DGKA: variants seen among roughly 807,000 people sequenced by gnomAD.
DGKA encodes diacylglycerol kinase alpha.
Under a neutral mutation model 105.0 loss-of-function variants are expected in DGKA, and 35 were observed. The observed-to-expected ratio is 0.33, with a 90% CI of 0.25 to 0.44. The LOEUF (loss-of-function observed/expected upper bound fraction) is 0.44. DGKA is among the 20% of genes least tolerant of loss of function. DGKA has a pLI of 1.00. For missense variants in DGKA, 665 were observed against 915.0 expected (o/e 0.73, Z 3.53); for synonymous variants, 296 against 332.0 (o/e 0.89, Z 1.18).
At chr12:55,936,113 G>T in intron 1 of DGKA, 1 of 871,552 alleles carries the variant, frequency 1.1e-6, no homozygotes, top group Non-Finnish European at 1.4e-6. Context: ...TATAGACTGA[G>T]AAAGCCGGGT....
chr12:55,952,762 A>G lies in DGKA; in HGVS notation c.1772A>G (p.Asn591Ser). 6.2e-7 allele frequency: 1 copy of G among 1,614,072 alleles called. No homozygotes were observed. Among genetic ancestry groups the G allele is most frequent in the Non-Finnish European group, 8.5e-7 (1 of 1,180,010 alleles). ...TGTGGGAAACCGCTGGATCTGAGCA[A>G]CCTGTCCCTAGAAGGCATCGCAGTG... Reference protein sequence around the residue: ...EICGKPLDLSNLSLEGIAVLN... With the variant: ...EICGKPLDLSSLSLEGIAVLN... The change falls in exon 21 of 24, where the codon AAC (asparagine) becomes AGC (serine). Residue 591 changes from asparagine (N) to serine (S), a missense_variant. Asn to Ser is a conservative substitution (Grantham distance 46). Coordinates refer to ENST00000331886, the MANE Select transcript of DGKA (RefSeq NM_001345.5). This position sits in a 1 kb window ranked among gnomAD's most constrained non-coding sequence, Gnocchi z 5.1.
In DGKA at chr12:55,942,150, CCTT is replaced by C. The variant is rs531072637; in HGVS notation, c.1337-21_1337-19del. On this transcript the variant is annotated intron_variant, in intron 16 of 23. Coordinates refer to ENST00000331886, the MANE Select transcript of DGKA (RefSeq NM_001345.5). ...GTCTTGCAGAGCTAACTCACTCCAT[CCTT>C]CTCTTCACCTGCCTCCGCAGACAAA... 1.0e-4 allele frequency: 161 copies of C among 1,614,096 alleles called. No individual in the cohort carries two copies. The African/African-American group carries it at 1.6e-3, about 16-fold the overall frequency.
intron 9 of DGKA, chr12:55,939,784 T>TA (rs1731787688): frequency 2.0e-5 from 12 of 587,242 alleles, no homozygotes; most frequent in South Asian, 8.3e-5. Context: ...TAAAATGCAA[T>TA]AAAAAATATC....
At position 55,932,809 on chromosome 12, in the gene DGKA, C is replaced by T. The variant is rs1883917063; in HGVS notation, c.-82+1465C>T. 1 of 544,650 alleles carries T rather than the reference C, an allele frequency of 1.8e-6. No individual in the cohort carries two copies. The highest frequency in any genetic ancestry group is 2.2e-5 in the South Asian group (1 of 44,546). The allele number at this position is 544,650 out of a possible 1,614,324, so 33.7% of individuals were successfully genotyped here. A position where few individuals can be genotyped will look rare whatever the true frequency, so the allele number is the denominator to read the frequency against. On this transcript the variant is annotated intron_variant, in intron 1 of 23. Transcript: ENST00000331886. This position sits in a 1 kb window ranked among gnomAD's most constrained non-coding sequence, Gnocchi z 4.3. ...GGAGGCTTAATAAGTTTTGAGGCTTCAAGCAAATGATTCCCTCTTGAGGGC... is the reference window on the plus strand; with the variant it reads ...GGAGGCTTAATAAGTTTTGAGGCTTTAAGCAAATGATTCCCTCTTGAGGGC...
chr12:55,930,187 G>A (rs1381914469), upstream of DGKA, among the ~76,000 whole-genome samples: 1 of 152,008 alleles, frequency 6.6e-6, no homozygotes, highest in Admixed American at 6.6e-5. Context: ...CCCTAAACTG[G>A]ACTATGTTTT....
In DGKA at chr12:55,952,694, C is replaced by A; in HGVS notation, c.1744-40C>A. 1 of 1,607,902 alleles carries A rather than the reference C, an allele frequency of 6.2e-7. No individual in the cohort carries two copies. The highest frequency in any genetic ancestry group is 8.5e-7 in the Non-Finnish European group (1 of 1,174,946). On this transcript the variant is annotated intron_variant, in intron 20 of 23. Transcript: ENST00000331886. This position sits in a 1 kb window ranked among gnomAD's most constrained non-coding sequence, Gnocchi z 5.1. ...TATGATCATGCCATGAGGTGAGGAT[C>A]TGTACCCTCCCTAACTGGGACTGTG...
At chr12:55,941,965 CCTT>C (rs763479290) in intron 15 of DGKA, 30 bp from the exon 16 acceptor site, 1 of 1,611,042 alleles carries the variant, frequency 6.2e-7, no homozygotes, top group Non-Finnish European at 8.5e-7. Flanking sequence ...GTCCTGTTAT[CCTT>C]CTTCATATTC....
chr12:55,927,692 C>G (rs115873921), upstream of DGKA: 1 of 1,538,650 alleles, frequency 6.5e-7, no homozygotes, highest in Non-Finnish European at 8.7e-7. Context: ...GCGGGAGGGG[C>G]GTGCAAGGCG....
rs1214880623 is a variant in DGKA, at chr12:55,932,787, G to A, written c.-82+1443G>A. The A allele has an allele frequency of 1.1e-5, 6 of 562,854 alleles. No individual in the cohort carries two copies. Among genetic ancestry groups the A allele is most frequent in the Admixed American group, 3.1e-5 (1 of 32,714 alleles). 34.9% of individuals were successfully genotyped at this position (562,854 alleles called of 1,614,324 possible). A position where few individuals can be genotyped will look rare whatever the true frequency, so the allele number is the denominator to read the frequency against. On this transcript the variant is annotated intron_variant, in intron 1 of 23. Coordinates refer to ENST00000331886, the MANE Select transcript of DGKA (RefSeq NM_001345.5). This position sits in a 1 kb window ranked among gnomAD's most constrained non-coding sequence, Gnocchi z 4.3. ...CACTGCAGTCTTCAGTGTTTGTGGA[G>A]GCTTAATAAGTTTTGAGGCTTCAAG...
At chr12:55,942,572 G>A (rs1324916039) in intron 17 of DGKA, 3 of 361,362 alleles carry the variant, frequency 8.3e-6, no homozygotes, top group Non-Finnish European at 1.1e-5. Context: ...TGTGAATAAG[G>A]AAGGTTGTAT....
chr12:55,938,517 T>C lies in DGKA; in HGVS notation c.356T>C (p.Phe119Ser). 1.2e-6 allele frequency: 2 copies of C among 1,614,110 alleles called. No homozygotes were observed. Among genetic ancestry groups the C allele is most frequent in the Non-Finnish European group, 8.5e-7 (1 of 1,179,996 alleles). The change falls in exon 6 of 24, where the codon TTC becomes TCC. Residue 119 changes from phenylalanine (F) to serine (S), a missense_variant. Coordinates refer to ENST00000331886, the MANE Select transcript of DGKA (RefSeq NM_001345.5). ...GRPEDKLEFT[F>S]KLYDTDRNGI... is the part of the protein sequence containing the mutation. ...CCCCTAAAACACCCCACAGTCACCT[T>C]CAAGCTGTACGACACGGACAGAAAT...
chr12:55,938,045 G>A lies in DGKA; in HGVS notation c.342G>A (p.Lys114=), dbSNP rs1457714561. 5 of 1,613,890 alleles carry A rather than the reference G, an allele frequency of 3.1e-6. No individual in the cohort carries two copies. Among genetic ancestry groups the A allele is most frequent in the African/African-American group, 1.3e-5 (1 of 74,888 alleles). The change falls in exon 5 of 24, where the codon AAG becomes AAA. Residue 114 remains lysine, a synonymous_variant. Transcript: ENST00000331886. ...SLLEGGRPED[K]LEFTFKLYDT... is the part of the protein sequence containing the mutation. Reference sequence around the variant, plus strand: ...TGGAGGGTGGTCGGCCAGAAGACAAGTTAGAATGTGAGTTGCCCTTCTGAA... The same window carrying A: ...TGGAGGGTGGTCGGCCAGAAGACAAATTAGAATGTGAGTTGCCCTTCTGAA...
Position 55,932,946 on chromosome 12 carries a change from C to T in DGKA, c.-82+1602C>T. The T allele has an allele frequency of 4.6e-6, 1 of 218,752 alleles. No homozygotes were observed. Among genetic ancestry groups the T allele is most frequent in the Non-Finnish European group, 9.1e-6 (1 of 109,750 alleles). 13.6% of individuals were successfully genotyped at this position (218,752 alleles called of 1,614,324 possible). A position where few individuals can be genotyped will look rare whatever the true frequency, so the allele number is the denominator to read the frequency against. On this transcript the variant is annotated intron_variant, in intron 1 of 23. Coordinates refer to ENST00000331886, the MANE Select transcript of DGKA (RefSeq NM_001345.5). The surrounding 1 kb of genome is among the most constrained non-coding windows in gnomAD (Gnocchi z 4.3). ...TGGGCCCTCAAATTCGGGGCTCCTG[C>T]CCCTCTGGGGCAGCCTCAATATTCT...
intron 18 of DGKA, 116 bp from the exon 19 acceptor site, chr12:55,951,919 T>C: frequency 1.3e-6 from 2 of 1,512,254 alleles, no homozygotes; most frequent in Non-Finnish European, 1.8e-6. Flanking sequence ...AGTGCTGAGT[T>C]GCAAGGGAAG....
chr12:55,935,974 A>T, intron 1 of DGKA: 1 of 989,044 alleles, frequency 1.0e-6, no homozygotes, highest in Non-Finnish European at 1.2e-6. Flanking sequence ...AGTCACTCAG[A>T]GGGCCGGAAC....
chr12:55,929,648 T>C (rs1392875949), upstream of DGKA: 1 of 152,206 alleles, frequency 6.6e-6, no homozygotes, highest in Non-Finnish European at 1.5e-5. Flanking sequence ...CATTGCGGTT[T>C]CTTTCTTTCT....
At chr12:55,927,526 G>A, upstream of DGKA, 2 of 701,118 alleles carry the variant, frequency 2.9e-6, no homozygotes, top group South Asian at 3.5e-5. Context: ...ATCTCAGAGC[G>A]GCTTGGTGAC....
At chr12:55,937,903 G>T in intron 4 of DGKA, 75 bp from the exon 5 acceptor site, 1 of 1,316,744 alleles carries the variant, frequency 7.6e-7, no homozygotes, top group Admixed American at 1.8e-5. Flanking sequence ...AAAGGGAGAG[G>T]TGGGACAAAC....
At chr12:55,951,953 C>G in intron 18 of DGKA, 82 bp from the exon 19 acceptor site, 1 of 1,552,994 alleles carries the variant, frequency 6.4e-7, no homozygotes, top group East Asian at 2.2e-5. Flanking sequence ...CTGTGGGGAG[C>G]AGCATGGGGA....
Sources: gnomAD v4.1 joint callset for allele counts (sites outside exome capture counted in the v4.1 genomes callset) on GRCh38, gnomAD v4.1.1 for gene constraint, Gnocchi (gnomAD v3.1) non-coding constraint, MANE v1.5 for transcripts, NCBI Gene and HGNC (gene_info 2026-07-23, HGNC 2026-07-21) for gene names.